ASCC1: variants seen among roughly 807,000 people sequenced by gnomAD.
ASCC1 encodes the protein ASC-1 complex subunit P50.
ASCC1 carries 35 observed loss-of-function variants against 46.6 expected under a neutral mutation model. That is an observed-to-expected ratio of 0.75 (90% CI 0.57 to 0.99). The LOEUF is 0.99. Among genes scored for constraint, ASCC1 ranks in the 50% least tolerant of loss-of-function variants. The pLI is 0.00. For synonymous variants in ASCC1, 143 were observed against 146.6 expected, an observed-to-expected ratio of 0.98 and a Z score of 0.18; for missense variants, 376 against 428.7, an observed-to-expected ratio of 0.88 and a Z score of 1.09.
upstream of ASCC1, chr10:72,216,942 A>G (rs1332993300): frequency 6.6e-6 from 3 of 456,150 alleles, no homozygotes; most frequent in African/African-American, 6.0e-5. Flanking sequence ...GATCTGCACA[A>G]TGAGAAAGAA....
At chr10:72,114,793 G>A (rs1222364654) in intron 9 of ASCC1, among the ~76,000 whole-genome samples, 1 of 152,030 alleles carries the variant, frequency 6.6e-6, no homozygotes, top group African/African-American at 2.4e-5. Context: ...ATTGTGTTGG[G>A]TGAAATAAAA....
At chr10:72,139,235 T>C (rs1846674322) in intron 7 of ASCC1, among the ~76,000 whole-genome samples, 1 of 150,246 alleles carries the variant, frequency 6.7e-6, no homozygotes, top group Non-Finnish European at 1.5e-5. Flanking sequence ...TGCCTCAGCC[T>C]CCCGAGCAGC....
chr10:72,186,139 T>C (rs1015513334), intron 5 of ASCC1, among the ~76,000 whole-genome samples: 1 of 151,430 alleles, frequency 6.6e-6, no homozygotes, highest in Non-Finnish European at 1.5e-5. Flanking sequence ...AGTAATATAA[T>C]ATAAAATATA....
intron 1 of ASCC1, among the ~76,000 whole-genome samples, chr10:72,214,367 CTT>C (rs970289326): frequency 0.072 from 6,304 of 88,094 alleles, 480 homozygotes; most frequent in African/African-American, 0.22. Context: ...CACAATATCT[CTT>C]TTTTTTTTTT....
At chr10:72,133,590 CA>C (rs1845851353) in intron 7 of ASCC1, 1 of 278,258 alleles carries the variant, frequency 3.6e-6, no homozygotes, top group South Asian at 3.8e-5. Flanking sequence ...ACAGCATATT[CA>C]AAAAACTGTC....
At chr10:72,106,210 A>G (rs1289996135) in intron 9 of ASCC1, among the ~76,000 whole-genome samples, 1 of 152,210 alleles carries the variant, frequency 6.6e-6, no homozygotes, top group African/African-American at 2.4e-5. Flanking sequence ...GAAGTTAAAA[A>G]TGAAAATTCA....
At position 72,128,081 on chromosome 10, in the gene ASCC1, C is replaced by A. The variant is rs1418275652; in HGVS notation, c.957+1G>T. The A allele has an allele frequency of 6.2e-7, 1 of 1,612,276 alleles. No individual in the cohort carries two copies. Among genetic ancestry groups the A allele is most frequent in the East Asian group, 2.2e-5 (1 of 44,850 alleles). On this transcript the variant is annotated splice_donor_variant, in intron 9 of 9. Coordinates refer to ENST00000672957, the MANE Select transcript of ASCC1 (RefSeq NM_001198800.3). LOFTEE classifies it high-confidence loss of function. ...TCCAATTCACTCTGCTTCATACTGA[C>A]CTTTAAAATATTTCGGCCATCAAAT...
chr10:72,135,390 G>A (rs1846066209), intron 7 of ASCC1, among the ~76,000 whole-genome samples: 1 of 152,166 alleles, frequency 6.6e-6, no homozygotes, highest in African/African-American at 2.4e-5. Flanking sequence ...TGATCAGGAA[G>A]GGTCTCCCTA....
rs974811338 is a variant in ASCC1, at chr10:72,097,020, G to A, written c.*314C>T. 4.3e-6 allele frequency: 2 copies of A among 462,338 alleles called. No individual in the cohort carries two copies. Among genetic ancestry groups the A allele is most frequent in the Admixed American group, 2.3e-5 (1 of 42,798 alleles). 28.6% of individuals were successfully genotyped at this position (462,338 alleles called of 1,614,324 possible). ...CATTATGAATGTATTAACAGTTAAC[G>A]TTACTGAACTGTGCACTTAAAAATG... On this transcript the variant is annotated 3_prime_UTR_variant, in exon 10 of 10. Coordinates refer to ENST00000672957, the MANE Select transcript of ASCC1 (RefSeq NM_001198800.3).
intron 7 of ASCC1, among the ~76,000 whole-genome samples, chr10:72,140,811 C>T (rs7896195): frequency 0.1 from 15,477 of 152,226 alleles, 2,424 homozygotes; most frequent in African/African-American, 0.33. Flanking sequence ...GGCTGCACCA[C>T]TGTGGAATTT....
intron 6 of ASCC1, among the ~76,000 whole-genome samples, chr10:72,161,070 A>G (rs901893040): frequency 6.6e-6 from 1 of 151,976 alleles, no homozygotes; most frequent in South Asian, 2.1e-4. Context: ...GCGACAGAGC[A>G]AGATTCCATC....
intron 7 of ASCC1, among the ~76,000 whole-genome samples, chr10:72,135,374 G>A (rs1404136318): frequency 6.6e-6 from 1 of 152,194 alleles, no homozygotes; most frequent in Non-Finnish European, 1.5e-5. Flanking sequence ...ACTATGTTAA[G>A]TAGAGTGATC....
At chr10:72,180,557 C>T (rs1422718034) in intron 5 of ASCC1, among the ~76,000 whole-genome samples, 3 of 152,076 alleles carry the variant, frequency 2.0e-5, no homozygotes, top group South Asian at 2.1e-4. Flanking sequence ...ACTCAGGAGG[C>T]GGAGGTTGCA....
intron 4 of ASCC1, chr10:72,198,619 T>C: frequency 4.4e-6 from 2 of 455,794 alleles, no homozygotes; most frequent in South Asian, 3.1e-5. Flanking sequence ...ACCAGATCCT[T>C]GTCTAGAGGA....
chr10:72,161,225 T>C (rs528869936), intron 6 of ASCC1, among the ~76,000 whole-genome samples: 1 of 151,828 alleles, frequency 6.6e-6, no homozygotes, highest in East Asian at 1.9e-4. Context: ...TAAAATATAA[T>C]GAAGACTCTC....
At chr10:72,205,349 G>A (rs1354276036) in intron 3 of ASCC1, among the ~76,000 whole-genome samples, 1 of 152,108 alleles carries the variant, frequency 6.6e-6, no homozygotes, top group Non-Finnish European at 1.5e-5. Flanking sequence ...GTGGCTCAAT[G>A]CCGGGTGCGG....
intron 4 of ASCC1, among the ~76,000 whole-genome samples, chr10:72,201,640 G>T (rs978999443): frequency 6.6e-6 from 1 of 152,088 alleles, no homozygotes. Context: ...GAGCTATGAT[G>T]GAGCCAATCA....
Position 72,213,339 on chromosome 10 carries a change from A to C in ASCC1, c.-33-8T>G. On this transcript the variant is annotated splice_region_variant and splice_polypyrimidine_tract_variant and intron_variant, in intron 1 of 9. Transcript: ENST00000672957. ...TGATATTCCAATTATGCCCTGAAAA[A>C]TATAATTACCATCTTACCTTTCTTA... 1 of 1,395,568 alleles carries C rather than the reference A, an allele frequency of 7.2e-7. No homozygotes were observed. Among genetic ancestry groups the C allele is most frequent in the Non-Finnish European group, 1.0e-6 (1 of 982,972 alleles). The allele number at this position is 1,395,568 out of a possible 1,614,324, so 86.4% of individuals were successfully genotyped here. A position where few individuals can be genotyped will look rare whatever the true frequency, so the allele number is the denominator to read the frequency against.
At chr10:72,135,914 G>A (rs180772679) in intron 7 of ASCC1, among the ~76,000 whole-genome samples, 67 of 151,492 alleles carry the variant, frequency 4.4e-4, no homozygotes, top group African/African-American at 1.6e-3. Flanking sequence ...CTGTAGAAAG[G>A]GAAGGGCAGG....
Sources: allele counts gnomAD v4.1 joint callset (sites outside exome capture counted in the v4.1 genomes callset), GRCh38; gene constraint gnomAD v4.1.1; transcripts MANE v1.5; gene names NCBI Gene and HGNC (gene_info 2026-07-23, HGNC 2026-07-21).